POLN: variants seen among roughly 807,000 people sequenced by gnomAD.
POLN encodes DNA polymerase N.
In POLN, 108 loss-of-function variants were observed where a neutral mutation model predicts 113.5. The ratio of observed to expected loss-of-function variants is 0.95; its 90% confidence interval spans 0.81 to 1.12. POLN has a LOEUF of 1.12. POLN is among the 50% of genes most tolerant of loss of function. POLN has a pLI of 0.00. For synonymous variants in POLN, 386 were observed against 391.5 expected (o/e 0.99, Z 0.17); for missense variants, 1,097 against 1,077.1 (o/e 1.02, Z -0.26).
At chr4:2,185,233 C>A (rs1733241408) in intron 7 of POLN, among the ~76,000 whole-genome samples, 1 of 152,222 alleles carries the variant, frequency 6.6e-6, no homozygotes, top group African/African-American at 2.4e-5. Flanking sequence ...TCTCCCAAAT[C>A]TAACCTGAAT....
In POLN at chr4:2,131,294, TTAA is replaced by T. The variant is rs1731722486; in HGVS notation, c.1732-7_1732-5del. On this transcript the variant is annotated splice_polypyrimidine_tract_variant and splice_region_variant and intron_variant, in intron 16 of 25. Transcript: ENST00000511885. ...GCTTGGAGATACCTTGGATATTCTGTTAATAATAAGAGACTAGCTTTAGTTAAA... is the reference window on the plus strand; with the variant it reads ...GCTTGGAGATACCTTGGATATTCTGTTAATAAGAGACTAGCTTTAGTTAAA... The T allele has an allele frequency of 1.3e-6, 2 of 1,566,908 alleles. No individual in the cohort carries two copies. Among genetic ancestry groups the T allele is most frequent in the East Asian group, 2.2e-5 (1 of 44,484 alleles).
intron 16 of POLN, among the ~76,000 whole-genome samples, chr4:2,139,027 G>A (rs1254989352): frequency 1.3e-5 from 2 of 152,202 alleles, no homozygotes; most frequent in African/African-American, 4.8e-5. Flanking sequence ...GGAAGCTGCC[G>A]GGAAAGGAGA....
chr4:2,190,783 C>T (rs1200929043), intron 7 of POLN, among the ~76,000 whole-genome samples: 6 of 152,132 alleles, frequency 3.9e-5, no homozygotes, highest in Non-Finnish European at 8.8e-5. Flanking sequence ...TTCAACATCA[C>T]TAATCATAAG....
intron 23 of POLN, chr4:2,076,242 C>T (rs914835221): frequency 3.3e-5 from 5 of 153,052 alleles, no homozygotes; most frequent in African/African-American, 9.6e-5. Flanking sequence ...CGGGTCATGG[C>T]TCCGGGCAAT....
chr4:2,177,347 A>G (rs6810845), intron 8 of POLN: 84,184 of 457,968 alleles, frequency 0.18, 12,055 homozygotes, highest in African/African-American at 0.51. Flanking sequence ...GTTCTCTGAG[A>G]GTCTTACCAT....
intron 16 of POLN, among the ~76,000 whole-genome samples, chr4:2,147,898 C>G (rs1472515233): frequency 6.6e-6 from 1 of 152,118 alleles, no homozygotes; most frequent in Non-Finnish European, 1.5e-5. Context: ...CTACCTCAGC[C>G]TCCCAAAGTG....
At chr4:2,217,266 G>T (rs1487856000) in intron 3 of POLN, among the ~76,000 whole-genome samples, 1 of 152,198 alleles carries the variant, frequency 6.6e-6, no homozygotes, top group East Asian at 1.9e-4. Context: ...CTACCCATTG[G>T]GTTTCCCTTG....
At chr4:2,220,958 C>A (rs916336335) in intron 3 of POLN, among the ~76,000 whole-genome samples, 3 of 151,362 alleles carry the variant, frequency 2.0e-5, no homozygotes, top group Non-Finnish European at 4.4e-5. Context: ...TTCTGTTTCT[C>A]CCTCCCCATC....
intron 2 of POLN, among the ~76,000 whole-genome samples, chr4:2,234,067 A>G (rs1445722469): frequency 6.6e-6 from 1 of 152,158 alleles, no homozygotes; most frequent in Non-Finnish European, 1.5e-5. Flanking sequence ...GAAAAAAAAG[A>G]AGACTATCAA....
intron 19 of POLN, among the ~76,000 whole-genome samples, chr4:2,112,484 C>T (rs1289054092): frequency 1.3e-5 from 2 of 152,122 alleles, no homozygotes; most frequent in Non-Finnish European, 2.9e-5. Flanking sequence ...GCAACCTACT[C>T]ATCTGACAAA....
chr4:2,214,890 C>CATATACATATATATGT (rs1734074560), intron 3 of POLN, among the ~76,000 whole-genome samples: 1 of 151,050 alleles, frequency 6.6e-6, no homozygotes, highest in African/African-American at 2.4e-5. Context: ...TATACACATA[C>CATATACATATATATGT]ATATACATAT....
intron 12 of POLN, 60 bp from the exon 13 acceptor site, chr4:2,170,834 T>C (rs1424297197): frequency 2.1e-6 from 3 of 1,459,478 alleles, no homozygotes; most frequent in Non-Finnish European, 2.9e-6. Context: ...AACAGAACAT[T>C]ACTATAGCAG....
intron 16 of POLN, among the ~76,000 whole-genome samples, chr4:2,146,667 A>C (rs1437611301): frequency 6.6e-5 from 10 of 152,190 alleles, no homozygotes; most frequent in Admixed American, 6.5e-5. Flanking sequence ...CAGGGGGCTG[A>C]ACAAGGCTTT....
At chr4:2,084,339 A>G (rs1212452888) in intron 21 of POLN, among the ~76,000 whole-genome samples, 1 of 152,098 alleles carries the variant, frequency 6.6e-6, no homozygotes, top group Non-Finnish European at 1.5e-5. Flanking sequence ...GTCTCTGCGC[A>G]GGTCGCCAGC....
At chr4:2,092,925 A>G (rs1201808793) in intron 20 of POLN, among the ~76,000 whole-genome samples, 1 of 152,238 alleles carries the variant, frequency 6.6e-6, no homozygotes, top group Non-Finnish European at 1.5e-5. Context: ...AGCAGTGGAT[A>G]CACAGTAATT....
intron 2 of POLN, chr4:2,238,749 A>C: frequency 6.2e-7 from 1 of 1,613,798 alleles, no homozygotes; most frequent in Non-Finnish European, 8.5e-7. Flanking sequence ...AGTTGACGAT[A>C]TATGTCCCGA....
chr4:2,172,617 A>T (rs1457241057), intron 11 of POLN, among the ~76,000 whole-genome samples: 1 of 152,014 alleles, frequency 6.6e-6, no homozygotes, highest in African/African-American at 2.4e-5. Context: ...TAGAAACAAA[A>T]CTCATAATGA....
chr4:2,206,335 T>G (rs1733841201), intron 5 of POLN, among the ~76,000 whole-genome samples: 1 of 152,218 alleles, frequency 6.6e-6, no homozygotes, highest in Non-Finnish European at 1.5e-5. Context: ...GAAATTGGCT[T>G]AGGCAAGGAT....
chr4:2,189,754 G>C (rs1334114349), intron 7 of POLN, among the ~76,000 whole-genome samples: 1 of 151,684 alleles, frequency 6.6e-6, no homozygotes, highest in Non-Finnish European at 1.5e-5. Context: ...AAAAAGGCCA[G>C]GCGCGGTGGC....
Sources: gnomAD v4.1 joint callset for allele counts (sites outside exome capture counted in the v4.1 genomes callset) on GRCh38, gnomAD v4.1.1 for gene constraint, MANE v1.5 for transcripts, NCBI Gene and HGNC (gene_info 2026-07-23, HGNC 2026-07-21) for gene names.